Variants in LHX2 observed in about 807,000 individuals in gnomAD.
LHX2 encodes the protein LIM/homeobox protein Lhx2.
LHX2 carries 6 observed loss-of-function variants against 33.0 expected under a neutral mutation model. The observed-to-expected ratio is 0.18, with a 90% CI of 0.10 to 0.36. The LOEUF (loss-of-function observed/expected upper bound fraction) is 0.36. Among genes scored for constraint, LHX2 ranks in the 10% least tolerant of loss-of-function variants. The pLI is 1.00. For missense variants in LHX2, 442 were observed against 586.2 expected (o/e 0.75, Z 2.54); for synonymous variants, 292 against 253.1 (o/e 1.15, Z -1.46).
Position 124,016,118 on chromosome 9 carries a change from C to T in LHX2, c.727+593C>T, listed in dbSNP as rs941749784. Among the ~76,000 whole-genome samples the T allele has an allele frequency of 6.6e-6, 1 of 152,154 alleles. No homozygotes were observed. The highest frequency in any genetic ancestry group is 2.4e-5 in the African/African-American group (1 of 41,462). Reference sequence around the variant, plus strand: ...CTTTAAAGACAGGTCTCAGTTTTCCCGGACTTTTTCCTCCGAGTTTCCTGG... The same window carrying T: ...CTTTAAAGACAGGTCTCAGTTTTCCTGGACTTTTTCCTCCGAGTTTCCTGG... On this transcript the variant is annotated intron_variant, in intron 3 of 4. Transcript: ENST00000373615. This position sits in a 1 kb window ranked among gnomAD's most constrained non-coding sequence, Gnocchi z 4.4.
chr9:124,020,017 G>C (rs959782361), intron 3 of LHX2, among the ~76,000 whole-genome samples: 1 of 152,206 alleles, frequency 6.6e-6, no homozygotes, highest in Non-Finnish European at 1.5e-5. Context: ...TTAGGGACAG[G>C]CTCCCTCCTC....
intron 4 of LHX2, chr9:124,022,006 C>G (rs1182904227): frequency 6.6e-6 from 1 of 152,286 alleles, no homozygotes; most frequent in African/African-American, 2.4e-5. Context: ...GTGCGAGTAA[C>G]TTCTTAATAG....
At chr9:124,025,822 TA>T (rs1828611957) in intron 4 of LHX2, among the ~76,000 whole-genome samples, 1 of 151,772 alleles carries the variant, frequency 6.6e-6, no homozygotes, top group African/African-American at 2.4e-5. Flanking sequence ...CGTTCCCTAC[TA>T]AAAATACAAA....
rs754213670 is a variant in LHX2 at position 124,015,421 on chromosome 9, C to T, written c.623C>T (p.Pro208Leu). ...GGGCTGGGCGCAGCAGGGGCCAACC[C>T]TCTGGGTCTTCCCTACTACAATGGC... ...SAGLGAAGAN[P>L]LGLPYYNGVG... is the part of the protein sequence containing the mutation. Residue 208 changes from proline to leucine, a missense_variant, in exon 3 of 5, where the codon CCT (proline) becomes CTT (leucine). By Grantham distance (98) the Pro-to-Leu change is moderately conservative. Coordinates refer to ENST00000373615, the MANE Select transcript of LHX2 (RefSeq NM_004789.4). This position sits in a 1 kb window ranked among gnomAD's most constrained non-coding sequence, Gnocchi z 7.9. 2.5e-6 allele frequency: 4 copies of T among 1,599,532 alleles called. No individual in the cohort carries two copies. Among genetic ancestry groups the T allele is most frequent in the South Asian group, 1.1e-5 (1 of 89,690 alleles).
At chr9:124,030,830 A>C (rs1000617319) in intron 4 of LHX2, among the ~76,000 whole-genome samples, 5 of 151,508 alleles carry the variant, frequency 3.3e-5, no homozygotes, top group Admixed American at 1.3e-4. Flanking sequence ...ATGGGGTTTC[A>C]CCATGTTGGA....
rs144871925 is a variant in LHX2, at chr9:124,015,182, G to C, written c.384G>C (p.Val128=). 280 of 1,614,108 alleles carry C rather than the reference G, an allele frequency of 1.7e-4. 1 individual carries two copies. In the African/African-American group the frequency reaches 3.3e-3, roughly 19 times the overall value. Residue 128 remains valine (V), a synonymous_variant, in exon 3 of 5, where the codon GTG becomes GTC. Coordinates refer to ENST00000373615, the MANE Select transcript of LHX2 (RefSeq NM_004789.4). The surrounding 1 kb of genome is among the most constrained non-coding windows in gnomAD (Gnocchi z 7.9). ...CHLGISASEM[V]MRARDLVYHL... ...TGGGCATCTCGGCCTCGGAGATGGTGATGCGCGCTCGGGACTTGGTTTATC... is the reference window on the plus strand; with the variant it reads ...TGGGCATCTCGGCCTCGGAGATGGTCATGCGCGCTCGGGACTTGGTTTATC...
intron 4 of LHX2, among the ~76,000 whole-genome samples, chr9:124,029,807 A>C (rs10739635): frequency 6.6e-6 from 1 of 152,024 alleles, no homozygotes; most frequent in African/African-American, 2.4e-5. Flanking sequence ...GTGGCAAGGC[A>C]GCGGCACCAA....
intron 4 of LHX2, among the ~76,000 whole-genome samples, chr9:124,028,101 G>A (rs1044925714): frequency 6.6e-6 from 1 of 152,156 alleles, no homozygotes; most frequent in African/African-American, 2.4e-5. Context: ...CATCCCAGGT[G>A]GGGATTTGCT....
At position 124,021,083 on chromosome 9, in the gene LHX2, T is replaced by C. The variant is rs779479418; in HGVS notation, c.728-16T>C. On this transcript the variant is annotated splice_polypyrimidine_tract_variant and intron_variant, in intron 3 of 4. Transcript: ENST00000373615. ...GGTCAGGAAGTTCACCCACCGGCTCTGTGTCTCCTCCCTAGCGCTAAGCTG... is the reference window on the plus strand; with the variant it reads ...GGTCAGGAAGTTCACCCACCGGCTCCGTGTCTCCTCCCTAGCGCTAAGCTG... 4.2e-5 allele frequency: 67 copies of C among 1,613,170 alleles called. No individual in the cohort carries two copies. Among genetic ancestry groups the C allele is most frequent in the Non-Finnish European group, 5.6e-5 (66 of 1,179,392 alleles).
At chr9:124,023,267 T>C (rs1292446176) in intron 4 of LHX2, among the ~76,000 whole-genome samples, 2 of 152,196 alleles carry the variant, frequency 1.3e-5, no homozygotes, top group Non-Finnish European at 2.9e-5. Flanking sequence ...AGAATTGTTT[T>C]GGGTTACACA....
rs1205891731 is a variant in LHX2 at position 124,012,113 on chromosome 9, G to T, written c.-236G>T. On this transcript the variant is annotated 5_prime_UTR_variant, in exon 1 of 5. Coordinates refer to ENST00000373615, the MANE Select transcript of LHX2 (RefSeq NM_004789.4). The surrounding 1 kb of genome is among the most constrained non-coding windows in gnomAD (Gnocchi z 4.3). ...GTGCCCTTGTGACCCTGGCTTTGGCGCCGTCGCCCAGGCGCCCCGCAATGT... is the reference window on the plus strand; with the variant it reads ...GTGCCCTTGTGACCCTGGCTTTGGCTCCGTCGCCCAGGCGCCCCGCAATGT... 1.5e-5 allele frequency: 3 copies of T among 194,550 alleles called. No homozygotes were observed. The highest frequency in any genetic ancestry group is 3.1e-5 in the Non-Finnish European group (3 of 97,696). The allele number at this position is 194,550 out of a possible 1,614,324, so 12.1% of individuals were successfully genotyped here. A position where few individuals can be genotyped will look rare whatever the true frequency, so the allele number is the denominator to read the frequency against.
At position 124,032,394 on chromosome 9, in the gene LHX2, C is replaced by CGTATCATTAAAAA; in HGVS notation, c.934-26_934-25insGTATCATTAAAAA. ...GATGCTCTGCCTGCCTTCCGCTCACCAGCCCTTCCCTGTCGTCCCCCGCAG... is the reference window on the plus strand; with the variant it reads ...GATGCTCTGCCTGCCTTCCGCTCACCGTATCATTAAAAAAGCCCTTCCCTGTCGTCCCCCGCAG... On this transcript the variant is annotated intron_variant, in intron 4 of 4. Transcript: ENST00000373615. The surrounding 1 kb of genome is among the most constrained non-coding windows in gnomAD (Gnocchi z 4.1). The CGTATCATTAAAAA allele has an allele frequency of 1.3e-6, 2 of 1,555,228 alleles. No homozygotes were observed. Among genetic ancestry groups the CGTATCATTAAAAA allele is most frequent in the Admixed American group, 1.7e-5 (1 of 57,986 alleles).
At chr9:124,031,638 A>G (rs1239877437) in intron 4 of LHX2, 1 of 152,234 alleles carries the variant, frequency 6.6e-6, no homozygotes, top group African/African-American at 2.4e-5. Flanking sequence ...ATTAATTTTA[A>G]TAATGTATTT....
In LHX2 at chr9:124,015,172, C is replaced by T; in HGVS notation, c.374C>T (p.Ser125Leu). The change falls in exon 3 of 5, where the codon TCG (serine) becomes TTG (leucine). Residue 125 changes from serine (S) to leucine (L), a missense_variant. Coordinates refer to ENST00000373615, the MANE Select transcript of LHX2 (RefSeq NM_004789.4). The surrounding 1 kb of genome is among the most constrained non-coding windows in gnomAD (Gnocchi z 7.9). The part of the protein sequence containing the change: ...CARCHLGISA[S>L]EMVMRARDLV... Reference sequence around the variant, plus strand: ...CGCTGCCACCTGGGCATCTCGGCCTCGGAGATGGTGATGCGCGCTCGGGAC... The same window carrying T: ...CGCTGCCACCTGGGCATCTCGGCCTTGGAGATGGTGATGCGCGCTCGGGAC... The T allele has an allele frequency of 6.2e-7, 1 of 1,614,066 alleles. No homozygotes were observed. Among genetic ancestry groups the T allele is most frequent in the Non-Finnish European group, 8.5e-7 (1 of 1,180,046 alleles).
chr9:124,023,298 G>A (rs749271045), intron 4 of LHX2, among the ~76,000 whole-genome samples: 4 of 152,132 alleles, frequency 2.6e-5, no homozygotes, highest in African/African-American at 4.8e-5. Context: ...TAACACGAAC[G>A]ATAGTTGTTG....
At position 124,016,033 on chromosome 9, in the gene LHX2, T is replaced by C. The variant is rs1859184406; in HGVS notation, c.727+508T>C. ...CCCAAGGGCGGCAGGCTTGGGGAAC[T>C]CGGGCTTGGGGAACTCAGGAAAGCA... On this transcript the variant is annotated intron_variant, in intron 3 of 4. Coordinates refer to ENST00000373615, the MANE Select transcript of LHX2 (RefSeq NM_004789.4). The surrounding 1 kb of genome is among the most constrained non-coding windows in gnomAD (Gnocchi z 4.4). Among the ~76,000 whole-genome samples the C allele has an allele frequency of 6.6e-6, 1 of 151,208 alleles. No homozygotes were observed. Among genetic ancestry groups the C allele is most frequent in the Non-Finnish European group, 1.5e-5 (1 of 68,034 alleles).
At position 124,014,232 on chromosome 9, in the gene LHX2, C is replaced by T; in HGVS notation, c.323+69C>T. The stretch of plus-strand genomic sequence containing the variant: ...TCTCAGGCACAGTCTTACAGTTTGG[C>T]CCTCTCCTTTCCGTTTAGTCCCAGG... On this transcript the variant is annotated intron_variant, in intron 2 of 4. Coordinates refer to ENST00000373615, the MANE Select transcript of LHX2 (RefSeq NM_004789.4). The surrounding 1 kb of genome is among the most constrained non-coding windows in gnomAD (Gnocchi z 4.8). 8.8e-7 allele frequency: 1 copy of T among 1,137,810 alleles called. No individual in the cohort carries two copies. The highest frequency in any genetic ancestry group is 1.3e-6 in the Non-Finnish European group (1 of 772,336). 70.5% of individuals were successfully genotyped at this position (1,137,810 alleles called of 1,614,324 possible).
rs1859179012 is a variant in LHX2, at chr9:124,015,766, T to A, written c.727+241T>A. 6.6e-6 allele frequency among the ~76,000 whole-genome samples: 1 copy of A among 152,216 alleles called. No homozygotes were observed. On this transcript the variant is annotated intron_variant, in intron 3 of 4. Transcript: ENST00000373615. The surrounding 1 kb of genome is among the most constrained non-coding windows in gnomAD (Gnocchi z 7.9). Reference sequence around the variant, plus strand: ...GTGCAGGGCCTTGTCTCTGATAAATTGTTTTTTTGGAGATGGCTTTTTGGT... The same window carrying A: ...GTGCAGGGCCTTGTCTCTGATAAATAGTTTTTTTGGAGATGGCTTTTTGGT...
Position 124,015,148 on chromosome 9 carries a change from G to A in LHX2, c.350G>A (p.Arg117His), listed in dbSNP as rs1859162407. 1 of 1,613,630 alleles carries A rather than the reference G, an allele frequency of 6.2e-7. No individual in the cohort carries two copies. Among genetic ancestry groups the A allele is most frequent in the South Asian group, 1.1e-5 (1 of 91,086 alleles). ...YRRFSVQRCARCHLGISASEM... is the reference protein window; with the variant it reads ...YRRFSVQRCAHCHLGISASEM... ...CGCTTCTCTGTGCAGCGCTGCGCCC[G>A]CTGCCACCTGGGCATCTCGGCCTCG... is the stretch of plus-strand genomic sequence containing the variant. Residue 117 changes from arginine (R) to histidine (H), a missense_variant, in exon 3 of 5, where the codon CGC becomes CAC. Physicochemically the swap from Arg to His is conservative, Grantham distance 29 (BLOSUM62 0). This residue lies in a region of LHX2 where 72 missense variants were observed against 171.6 expected (regional missense o/e 0.42). Transcript: ENST00000373615. The surrounding 1 kb of genome is among the most constrained non-coding windows in gnomAD (Gnocchi z 7.9).
Sources: gnomAD v4.1 joint callset for allele counts (sites outside exome capture counted in the v4.1 genomes callset) on GRCh38, gnomAD v4.1.1 for gene constraint, gnomAD v4.1.1 regional missense constraint, Gnocchi (gnomAD v3.1) non-coding constraint, MANE v1.5 for transcripts, NCBI Gene and HGNC (gene_info 2026-07-23, HGNC 2026-07-21) for gene names.